SPOCK1: variants seen among roughly 807,000 people sequenced by gnomAD.
The protein encoded by SPOCK1 is testican-1.
A neutral mutation model predicts 55.3 loss-of-function variants in SPOCK1; 23 were observed. The ratio of observed to expected loss-of-function variants is 0.42; its 90% CI spans 0.30 to 0.59. The LOEUF (loss-of-function observed/expected upper bound fraction) is 0.59. SPOCK1 is among the 20% of genes least tolerant of loss of function. The probability of loss-of-function intolerance (pLI) is 0.22; values close to 1 mark genes in which losing one functional copy is unlikely to be tolerated. For missense variants in SPOCK1, 499 were observed against 552.5 expected, an observed-to-expected ratio of 0.90 and a Z score of 0.97; for synonymous variants, 226 against 221.0, an observed-to-expected ratio of 1.02 and a Z score of -0.20.
intron 2 of SPOCK1, among the ~76,000 whole-genome samples, chr5:137,268,123 AC>A (rs1756892713): frequency 6.6e-6 from 1 of 152,198 alleles, no homozygotes; most frequent in African/African-American, 2.4e-5. Context: ...TATCTCTGAC[AC>A]GATCTCCTGT....
At chr5:137,006,496 G>A (rs1051482355) in intron 6 of SPOCK1, among the ~76,000 whole-genome samples, 2 of 151,964 alleles carry the variant, frequency 1.3e-5, no homozygotes, top group Non-Finnish European at 2.9e-5. Flanking sequence ...TCATGATTTG[G>A]TTCTCTATTA....
chr5:137,373,107 G>A (rs535362358), intron 2 of SPOCK1, among the ~76,000 whole-genome samples: 1 of 152,200 alleles, frequency 6.6e-6, no homozygotes, highest in Non-Finnish European at 1.5e-5. Flanking sequence ...TAGGCCCCTG[G>A]ATCTTGGACT....
intron 2 of SPOCK1, among the ~76,000 whole-genome samples, chr5:137,373,196 G>A (rs1281796607): frequency 6.6e-6 from 1 of 152,124 alleles, no homozygotes; most frequent in Non-Finnish European, 1.5e-5. Flanking sequence ...TGTTATAGCA[G>A]CACAAAACAT....
intron 3 of SPOCK1, among the ~76,000 whole-genome samples, chr5:137,264,901 T>G (rs1321717368): frequency 6.6e-6 from 1 of 152,158 alleles, no homozygotes; most frequent in African/African-American, 2.4e-5. Context: ...TGTATATAAA[T>G]AGCCAACGGC....
At chr5:137,424,896 T>C (rs1528965) in intron 2 of SPOCK1, among the ~76,000 whole-genome samples, 56,126 of 152,046 alleles carry the variant, frequency 0.37, 11,130 homozygotes, top group East Asian at 0.64. Context: ...ATGGTGGTGG[T>C]ATTTACATGC....
intron 5 of SPOCK1, among the ~76,000 whole-genome samples, chr5:137,093,514 TAC>T (rs1753084820): frequency 6.6e-6 from 1 of 152,164 alleles, no homozygotes; most frequent in Non-Finnish European, 1.5e-5. Flanking sequence ...TTATGGAGCA[TAC>T]AGTCTTGAGT....
intron 2 of SPOCK1, among the ~76,000 whole-genome samples, chr5:137,360,409 C>T (rs1750915802): frequency 6.6e-6 from 1 of 152,230 alleles, no homozygotes; most frequent in African/African-American, 2.4e-5. Flanking sequence ...AGAAGGCAGA[C>T]AGGATCCGGG....
At position 136,979,322 on chromosome 5, in the gene SPOCK1, C is replaced by T; in HGVS notation, c.1129+10G>A. 6.2e-7 allele frequency: 1 copy of T among 1,613,880 alleles called. No individual in the cohort carries two copies. The stretch of plus-strand genomic sequence containing the variant: ...GTCATTGTGGGGCTCATGCAGGAGG[C>T]CTTACTCACCACAGCTCACAGCACC... On this transcript the variant is annotated intron_variant, in intron 10 of 10. Coordinates refer to ENST00000394945, the MANE Select transcript of SPOCK1 (RefSeq NM_004598.4).
chr5:137,007,796 C>T (rs1055079573), intron 6 of SPOCK1, among the ~76,000 whole-genome samples: 2 of 152,054 alleles, frequency 1.3e-5, no homozygotes, highest in Non-Finnish European at 2.9e-5. Context: ...TGAGTATATA[C>T]CCAAAGGATT....
At position 137,324,950 on chromosome 5, in the gene SPOCK1, C is replaced by T. The variant is rs372892339; in HGVS notation, c.187-57895G>A. On this transcript the variant is annotated intron_variant, in intron 2 of 10. Coordinates refer to ENST00000394945, the MANE Select transcript of SPOCK1 (RefSeq NM_004598.4). ...CACTAAGCTGTGCAGACAAGCTTGA[C>T]GGCTCAATCCTGAAAAAAAAAAAAA... Among the ~76,000 whole-genome samples the T allele has an allele frequency of 5.0e-4, 73 of 145,408 alleles. 1 individual carries two copies. In the South Asian group the frequency reaches 6.4e-3, roughly 13 times the overall value.
intron 3 of SPOCK1, among the ~76,000 whole-genome samples, chr5:137,213,257 A>T (rs1755651800): frequency 6.6e-6 from 1 of 152,172 alleles, no homozygotes; most frequent in African/African-American, 2.4e-5. Flanking sequence ...CCATTTACTC[A>T]GGAGGAATCT....
intron 6 of SPOCK1, among the ~76,000 whole-genome samples, chr5:137,036,865 G>T: frequency 6.6e-6 from 1 of 152,130 alleles, no homozygotes; most frequent in East Asian, 1.9e-4. Context: ...CAGAAGGAAA[G>T]GTGAGACAGT....
At chr5:137,225,183 A>G (rs570362704) in intron 3 of SPOCK1, among the ~76,000 whole-genome samples, 1 of 152,082 alleles carries the variant, frequency 6.6e-6, no homozygotes, top group East Asian at 1.9e-4. Flanking sequence ...AGAGAATGAC[A>G]AGAATTAGAC....
intron 3 of SPOCK1, among the ~76,000 whole-genome samples, chr5:137,178,844 C>T (rs923341448): frequency 7.2e-5 from 11 of 152,180 alleles, no homozygotes; most frequent in Non-Finnish European, 1.3e-4. Flanking sequence ...ATCTTTTCTA[C>T]CGTGTAAACC....
At chr5:136,982,154 T>C (rs561606104) in intron 9 of SPOCK1, among the ~76,000 whole-genome samples, 1 of 152,278 alleles carries the variant, frequency 6.6e-6, no homozygotes, top group Non-Finnish European at 1.5e-5. Context: ...TAATGACACA[T>C]TTCTCAGAAC....
chr5:137,469,314 C>T (rs186484535), intron 2 of SPOCK1, among the ~76,000 whole-genome samples: 17 of 152,280 alleles, frequency 1.1e-4, no homozygotes, highest in South Asian at 1.0e-3. Flanking sequence ...TTCCAGAACC[C>T]GCCAGGAACA....
At chr5:137,228,264 C>T (rs762062703) in intron 3 of SPOCK1, among the ~76,000 whole-genome samples, 1 of 152,244 alleles carries the variant, frequency 6.6e-6, no homozygotes, top group Non-Finnish European at 1.5e-5. Context: ...AAGCCTTAAC[C>T]ATCCAAGTGA....
intron 5 of SPOCK1, among the ~76,000 whole-genome samples, chr5:137,096,757 T>C (rs986079173): frequency 6.7e-6 from 1 of 150,124 alleles, no homozygotes; most frequent in Non-Finnish European, 1.5e-5. Context: ...TAAAGAATTA[T>C]GTAAACATAT....
At chr5:137,023,150 G>A (rs772919074) in intron 6 of SPOCK1, among the ~76,000 whole-genome samples, 2 of 152,160 alleles carry the variant, frequency 1.3e-5, no homozygotes, top group Non-Finnish European at 2.9e-5. Context: ...TTCATCTTAA[G>A]AATGGGACTA....
Sources: allele counts gnomAD v4.1 joint callset (sites outside exome capture counted in the v4.1 genomes callset), GRCh38; gene constraint gnomAD v4.1.1; transcripts MANE v1.5; gene names NCBI Gene and HGNC (gene_info 2026-07-23, HGNC 2026-07-21).